Variants in MB21D2 observed in about 807,000 individuals in gnomAD.
MB21D2 encodes the protein Mab-21 domain containing 2.
In MB21D2, 9 loss-of-function variants were observed where a neutral mutation model predicts 33.3. The observed-to-expected ratio is 0.27, with a 90% CI of 0.16 to 0.47. The LOEUF is 0.47. Among genes scored for constraint, MB21D2 ranks in the 20% least tolerant of loss-of-function variants. The probability of loss-of-function intolerance (pLI) is 0.99; values close to 1 mark genes in which losing one functional copy is unlikely to be tolerated. For synonymous variants in MB21D2, 241 were observed against 236.3 expected, an observed-to-expected ratio of 1.02 and a Z score of -0.18; for missense variants, 540 against 624.6, an observed-to-expected ratio of 0.86 and a Z score of 1.44.
At chr3:192,915,290 A>C (rs1055081642) in intron 1 of MB21D2, among the ~76,000 whole-genome samples, 1 of 152,286 alleles carries the variant, frequency 6.6e-6, no homozygotes, top group South Asian at 2.1e-4. Context: ...AAGCTATGGC[A>C]AGTGAAACAA....
At chr3:192,816,106 T>C (rs974843976) in intron 1 of MB21D2, among the ~76,000 whole-genome samples, 22 of 152,250 alleles carry the variant, frequency 1.4e-4, no homozygotes, top group Admixed American at 8.5e-4. Flanking sequence ...CAGGGTTGAA[T>C]TGAGAGACGA....
intron 1 of MB21D2, among the ~76,000 whole-genome samples, chr3:192,816,387 A>G (rs1255602593): frequency 3.3e-5 from 5 of 152,166 alleles, no homozygotes; most frequent in Admixed American, 2.6e-4. Context: ...AAATTCCATA[A>G]TTCCAGTCTA....
chr3:192,827,736 TA>T (rs762441725), intron 1 of MB21D2, among the ~76,000 whole-genome samples: 14 of 152,014 alleles, frequency 9.2e-5, no homozygotes, highest in Non-Finnish European at 1.5e-4. Context: ...TAGTGTCCTT[TA>T]AGGCACTCTT....
intron 1 of MB21D2, among the ~76,000 whole-genome samples, chr3:192,860,982 A>G (rs1455006358): frequency 6.6e-6 from 1 of 152,262 alleles, no homozygotes; most frequent in Non-Finnish European, 1.5e-5. Flanking sequence ...ACTAGAAACG[A>G]AAAGGCTGAA....
At chr3:192,856,702 T>G (rs1712925825) in intron 1 of MB21D2, among the ~76,000 whole-genome samples, 1 of 152,006 alleles carries the variant, frequency 6.6e-6, no homozygotes, top group Admixed American at 6.6e-5. Flanking sequence ...ACAGGTGCAC[T>G]CCACCAAGCC....
At position 192,831,366 on chromosome 3, in the gene MB21D2, C is replaced by G. The variant is rs577269073; in HGVS notation, c.212-31716G>C. Among the ~76,000 whole-genome samples the G allele has an allele frequency of 1.4e-4, 21 of 152,312 alleles. No homozygotes were observed. The South Asian group carries it at 4.1e-3, about 30-fold the overall frequency. On this transcript the variant is annotated intron_variant, in intron 1 of 1. Transcript: ENST00000392452. ...GAGACCACAAACCAGAACTACTCAA[C>G]TACACCACTCCTAGATGCCTGACTC...
chr3:192,912,518 C>CAA (rs1363983096), intron 1 of MB21D2, among the ~76,000 whole-genome samples: 2 of 151,910 alleles, frequency 1.3e-5, no homozygotes, highest in African/African-American at 2.4e-5. Context: ...ACTAAAAATA[C>CAA]AAAAATTGGC....
At chr3:192,888,939 TGGACTCTGGTAGAGTCTAAG>T (rs1713790707) in intron 1 of MB21D2, among the ~76,000 whole-genome samples, 1 of 152,048 alleles carries the variant, frequency 6.6e-6, no homozygotes, top group Non-Finnish European at 1.5e-5. Flanking sequence ...TGGTGCGATC[TGGACTCTGGTAGAGTCTAAG>T]GGACTCTATC....
At chr3:192,847,068 G>C (rs1319696070) in intron 1 of MB21D2, among the ~76,000 whole-genome samples, 2 of 152,152 alleles carry the variant, frequency 1.3e-5, no homozygotes, top group African/African-American at 2.4e-5. Flanking sequence ...GAATACCTTG[G>C]AAAGAGTCAT....
chr3:192,854,405 T>G (rs1712874491), intron 1 of MB21D2, among the ~76,000 whole-genome samples: 1 of 152,158 alleles, frequency 6.6e-6, no homozygotes. Flanking sequence ...AGAGAGGTGA[T>G]GAAGCTGCAG....
At chr3:192,823,437 T>A (rs1398505993) in intron 1 of MB21D2, among the ~76,000 whole-genome samples, 1 of 152,158 alleles carries the variant, frequency 6.6e-6, no homozygotes, top group Non-Finnish European at 1.5e-5. Flanking sequence ...GTGGATCACC[T>A]GAGGTTGGGA....
chr3:192,841,343 T>C (rs1391154011), intron 1 of MB21D2, among the ~76,000 whole-genome samples: 1 of 152,256 alleles, frequency 6.6e-6, no homozygotes, highest in African/African-American at 2.4e-5. Context: ...ACCTCTCACC[T>C]TGTATCAAAG....
chr3:192,896,822 T>G (rs1348681381), intron 1 of MB21D2, among the ~76,000 whole-genome samples: 1 of 152,194 alleles, frequency 6.6e-6, no homozygotes, highest in South Asian at 2.1e-4. Flanking sequence ...AGCGTTGGTG[T>G]GTCTTGGGTG....
chr3:192,897,722 T>C (rs959604659), intron 1 of MB21D2, among the ~76,000 whole-genome samples: 4 of 152,166 alleles, frequency 2.6e-5, no homozygotes, highest in African/African-American at 9.7e-5. Context: ...CCGGGCATGG[T>C]GGCTCACACC....
chr3:192,904,966 C>T (rs1714175254), intron 1 of MB21D2, among the ~76,000 whole-genome samples: 1 of 152,146 alleles, frequency 6.6e-6, no homozygotes, highest in Admixed American at 6.5e-5. Flanking sequence ...ACCATATGCC[C>T]GTAGGATTGT....
chr3:192,810,056 A>G (rs968589769), intron 1 of MB21D2, among the ~76,000 whole-genome samples: 2 of 152,224 alleles, frequency 1.3e-5, no homozygotes, highest in Non-Finnish European at 2.9e-5. Flanking sequence ...GTAGCCAGGA[A>G]CATGACTGCC....
At chr3:192,828,286 C>A (rs1392758191) in intron 1 of MB21D2, among the ~76,000 whole-genome samples, 2 of 151,760 alleles carry the variant, frequency 1.3e-5, no homozygotes, top group African/African-American at 4.8e-5. Flanking sequence ...GCCCAAAGGG[C>A]AGCACAGTGA....
Position 192,828,605 on chromosome 3 carries a change from T to C in MB21D2, c.212-28955A>G, listed in dbSNP as rs1289716418. On this transcript the variant is annotated intron_variant, in intron 1 of 1. Transcript: ENST00000392452. ...CTCACCCCCCCCATATATATATATATATATATATATATATATATATATATA... is the reference window on the plus strand; with the variant it reads ...CTCACCCCCCCCATATATATATATACATATATATATATATATATATATATA... 9.8e-3 allele frequency among the ~76,000 whole-genome samples: 29 copies of C among 2,974 alleles called. 1 individual carries two copies. The highest frequency in any genetic ancestry group is 0.035 in the East Asian group (3 of 86). 2.0% of individuals were successfully genotyped at this position (2,974 alleles called of 152,430 possible).
chr3:192,879,625 G>A lies in MB21D2; in HGVS notation c.211+38005C>T, dbSNP rs183114871. ...ACCATTAAGTGGCAGGTTGGAAGCA[G>A]GGAGGGGCAGAGAAGGGGGTATCCG... On this transcript the variant is annotated intron_variant, in intron 1 of 1. Transcript: ENST00000392452. 2.5e-3 allele frequency among the ~76,000 whole-genome samples: 384 copies of A among 152,332 alleles called. 4 individuals carry two copies. Among genetic ancestry groups the A allele is most frequent in the Admixed American group, 0.023 (353 of 15,308 alleles).
Sources: allele counts gnomAD v4.1 joint callset (sites outside exome capture counted in the v4.1 genomes callset), GRCh38; gene constraint gnomAD v4.1.1; transcripts MANE v1.5; gene names NCBI Gene and HGNC (gene_info 2026-07-23, HGNC 2026-07-21).